ADAMTS14: variants seen among roughly 807,000 people sequenced by gnomAD.
ADAMTS14 encodes A disintegrin and metalloproteinase with thrombospondin motifs 14.
ADAMTS14 carries 100 observed loss-of-function variants against 128.6 expected under a neutral mutation model. The ratio of observed to expected loss-of-function variants is 0.78; its 90% CI spans 0.66 to 0.92. The LOEUF (loss-of-function observed/expected upper bound fraction) is 0.92. Among genes scored for constraint, ADAMTS14 ranks in the 40% least tolerant of loss-of-function variants. The probability of loss-of-function intolerance (pLI) is 0.00; values close to 1 mark genes in which losing one functional copy is unlikely to be tolerated. For missense variants in ADAMTS14, 1,562 were observed against 1,658.6 expected, an observed-to-expected ratio of 0.94 and a Z score of 1.01; for synonymous variants, 665 against 653.8, an observed-to-expected ratio of 1.02 and a Z score of -0.26.
At position 70,737,562 on chromosome 10, in the gene ADAMTS14, T is replaced by A. The variant is rs146334811; in HGVS notation, c.1599+769T>A. ...CAGCCCCAGGGCCACCCCACCAGCC[T>A]GCCCCCTGCCTCCTGCCCTAGCCAG... On this transcript the variant is annotated intron_variant, in intron 10 of 21. Coordinates refer to ENST00000373207, the MANE Select transcript of ADAMTS14 (RefSeq NM_080722.4). Among the ~76,000 whole-genome samples, 49 of 152,284 alleles carry A rather than the reference T, an allele frequency of 3.2e-4. No individual in the cohort carries two copies. The East Asian group carries it at 9.3e-3, about 29-fold the overall frequency.
At chr10:70,694,345 CT>C (rs1840274462) in intron 2 of ADAMTS14, among the ~76,000 whole-genome samples, 1 of 152,192 alleles carries the variant, frequency 6.6e-6, no homozygotes, top group South Asian at 2.1e-4. Flanking sequence ...TGCATATTAT[CT>C]TTTTAATTAA....
At chr10:70,705,074 C>T (rs1278257552) in intron 3 of ADAMTS14, among the ~76,000 whole-genome samples, 1 of 152,116 alleles carries the variant, frequency 6.6e-6, no homozygotes, top group Non-Finnish European at 1.5e-5. Context: ...TATACACATA[C>T]TCTCATATAT....
intron 21 of ADAMTS14, 65 bp downstream of exon 21, chr10:70,758,350 T>G (rs753546005): frequency 6.2e-6 from 9 of 1,444,378 alleles, no homozygotes; most frequent in Non-Finnish European, 6.6e-6. Flanking sequence ...TGTTGCAGCA[T>G]GGGCCACTCA....
intron 9 of ADAMTS14, 39 bp from the exon 10 acceptor site, chr10:70,736,641 G>A (rs766466042): frequency 1.9e-6 from 3 of 1,587,528 alleles, no homozygotes; most frequent in Non-Finnish European, 1.7e-6. Flanking sequence ...TGGACAAAGA[G>A]CCAGTCCAGT....
chr10:70,674,852 T>C lies in ADAMTS14; in HGVS notation c.379T>C (p.Leu127=), dbSNP rs772015923. The change falls in exon 2 of 22, where the codon TTG becomes CTG. Residue 127 remains leucine, a synonymous_variant. Transcript: ENST00000373207. ...LHLRLRPNRR[L]VVPGSSVEWQ... ...CTTGCGCCTGCGGCCCAATCGGAGG[T>C]TGGTAGTGCCAGGATCCTCAGTGGA... 5.0e-6 allele frequency: 8 copies of C among 1,613,646 alleles called. No individual in the cohort carries two copies. The highest frequency in any genetic ancestry group is 1.7e-5 in the Admixed American group (1 of 59,990).
intron 9 of ADAMTS14, among the ~76,000 whole-genome samples, chr10:70,736,192 C>T (rs556078035): frequency 2.0e-4 from 31 of 152,294 alleles, no homozygotes; most frequent in African/African-American, 6.5e-4. Flanking sequence ...CAATCTGAAA[C>T]GTAAGGTCAT....
At chr10:70,711,374 A>T (rs1164323851) in intron 4 of ADAMTS14, among the ~76,000 whole-genome samples, 1 of 152,334 alleles carries the variant, frequency 6.6e-6, no homozygotes, top group South Asian at 2.1e-4. Context: ...ACTCTTTGGG[A>T]TGATCACTAC....
intron 6 of ADAMTS14, among the ~76,000 whole-genome samples, chr10:70,731,924 C>T (rs191787360): frequency 3.3e-5 from 5 of 152,198 alleles, no homozygotes; most frequent in Admixed American, 2.0e-4. Flanking sequence ...AGAAAGTGTT[C>T]GGAGCTTGTT....
intron 3 of ADAMTS14, among the ~76,000 whole-genome samples, chr10:70,706,002 C>T (rs1008596236): frequency 6.6e-5 from 10 of 152,226 alleles, no homozygotes; most frequent in Non-Finnish European, 1.3e-4. Flanking sequence ...ACTGTATTTT[C>T]AAAGCAGCTG....
chr10:70,725,188 G>T (rs539269448), intron 4 of ADAMTS14, among the ~76,000 whole-genome samples: 2 of 152,004 alleles, frequency 1.3e-5, no homozygotes, highest in Non-Finnish European at 2.9e-5. Context: ...AAGAGACTGC[G>T]GTCACTGTCC....
intron 2 of ADAMTS14, among the ~76,000 whole-genome samples, chr10:70,693,343 C>T (rs1840243468): frequency 6.6e-6 from 1 of 152,172 alleles, no homozygotes; most frequent in African/African-American, 2.4e-5. Flanking sequence ...ACAAGCAAAC[C>T]CTCCTGTGGT....
intron 16 of ADAMTS14, 50 bp downstream of exon 16, chr10:70,750,035 C>T (rs1485985614): frequency 1.9e-6 from 3 of 1,595,866 alleles, no homozygotes; most frequent in South Asian, 1.1e-5. Context: ...CACTTGTCCC[C>T]TTAGCTCGCT....
At chr10:70,749,032 T>G (rs1305489989) in intron 15 of ADAMTS14, among the ~76,000 whole-genome samples, 1 of 152,168 alleles carries the variant, frequency 6.6e-6, no homozygotes, top group East Asian at 1.9e-4. Flanking sequence ...GGGTAGAAAT[T>G]TATGGATTTT....
chr10:70,683,252 C>A (rs1839867491), intron 2 of ADAMTS14, among the ~76,000 whole-genome samples: 1 of 152,260 alleles, frequency 6.6e-6, no homozygotes, highest in Non-Finnish European at 1.5e-5. Flanking sequence ...TTTCTGTCTT[C>A]AGGGTGCACA....
intron 10 of ADAMTS14, 30 bp from the exon 11 acceptor site, chr10:70,738,812 G>T (rs779645386): frequency 1.4e-5 from 23 of 1,613,124 alleles, no homozygotes; most frequent in Non-Finnish European, 1.9e-5. Context: ...AGCAGCCCAG[G>T]GTGACCTCAT....
chr10:70,712,599 G>A (rs916182056), intron 4 of ADAMTS14, among the ~76,000 whole-genome samples: 2 of 152,076 alleles, frequency 1.3e-5, no homozygotes, highest in Admixed American at 1.3e-4. Context: ...GTGTAGGGTG[G>A]GAGGGAAGGC....
intron 14 of ADAMTS14, 144 bp downstream of exon 14, chr10:70,744,333 G>T (rs1338254367): frequency 1.7e-5 from 20 of 1,190,222 alleles, no homozygotes; most frequent in Middle Eastern, 3.1e-4. Flanking sequence ...TTCCTGGGCT[G>T]CCCAGGCTGG....
At chr10:70,673,082 G>A (rs913323595) in intron 1 of ADAMTS14, among the ~76,000 whole-genome samples, 198 bp downstream of exon 1, 1 of 152,210 alleles carries the variant, frequency 6.6e-6, no homozygotes, top group South Asian at 2.1e-4. Flanking sequence ...GGTACTAGAA[G>A]TAGACAGAGA....
At chr10:70,682,884 A>C (rs1236197120) in intron 2 of ADAMTS14, among the ~76,000 whole-genome samples, 1 of 152,088 alleles carries the variant, frequency 6.6e-6, no homozygotes, top group Non-Finnish European at 1.5e-5. Context: ...TAGTTCCCAG[A>C]GGTGCAGGGC....
Sources: allele counts gnomAD v4.1 joint callset (sites outside exome capture counted in the v4.1 genomes callset), GRCh38; gene constraint gnomAD v4.1.1; transcripts MANE v1.5; gene names NCBI Gene and HGNC (gene_info 2026-07-23, HGNC 2026-07-21).